RALYL: variants seen among roughly 807,000 people sequenced by gnomAD.
RALYL encodes RALY RNA binding protein like, also known as RNA-binding Raly-like protein.
In RALYL, 29 loss-of-function variants were observed where a neutral mutation model predicts 35.1. That is an observed-to-expected ratio of 0.83 (90% CI 0.61 to 1.13). RALYL has a LOEUF of 1.13. RALYL is among the 50% of genes most tolerant of loss of function. The pLI is 0.00. For synonymous variants in RALYL, 120 were observed against 127.6 expected (o/e 0.94, Z 0.40); for missense variants, 359 against 360.4 (o/e 1.00, Z 0.03).
At chr8:84,332,322 A>T (rs1246225235) in intron 1 of RALYL, among the ~76,000 whole-genome samples, 3 of 152,122 alleles carry the variant, frequency 2.0e-5, no homozygotes, top group Non-Finnish European at 4.4e-5. Flanking sequence ...ATCAGCAGAA[A>T]AAAGAAAGTA....
chr8:84,469,338 T>A (rs1190175324), intron 1 of RALYL, among the ~76,000 whole-genome samples: 1 of 152,150 alleles, frequency 6.6e-6, no homozygotes, highest in Non-Finnish European at 1.5e-5. Context: ...ATGTCCTTTC[T>A]GTTTGTTAGT....
chr8:84,403,634 T>C (rs890861708), intron 1 of RALYL, among the ~76,000 whole-genome samples: 1 of 151,326 alleles, frequency 6.6e-6, no homozygotes, highest in East Asian at 1.9e-4. Context: ...CCAGCTTTGT[T>C]CTTTTTGCTT....
intron 2 of RALYL, among the ~76,000 whole-genome samples, chr8:84,531,585 G>C (rs2059279734): frequency 1.3e-5 from 2 of 151,932 alleles, no homozygotes; most frequent in Non-Finnish European, 2.9e-5. Context: ...TCCTTTTTAA[G>C]TTGAAAGTCT....
At chr8:84,500,942 T>C (rs1177397445) in intron 1 of RALYL, among the ~76,000 whole-genome samples, 1 of 152,186 alleles carries the variant, frequency 6.6e-6, no homozygotes, top group Non-Finnish European at 1.5e-5. Context: ...TTATTTGGAA[T>C]GACAAGATGA....
At chr8:84,833,710 A>C (rs1220516961) in intron 4 of RALYL, among the ~76,000 whole-genome samples, 1 of 151,950 alleles carries the variant, frequency 6.6e-6, no homozygotes, top group Non-Finnish European at 1.5e-5. Context: ...TGCAATTGAC[A>C]AAAACACTCA....
At chr8:84,375,458 G>C (rs1052041850) in intron 1 of RALYL, among the ~76,000 whole-genome samples, 1 of 151,726 alleles carries the variant, frequency 6.6e-6, no homozygotes, top group Non-Finnish European at 1.5e-5. Flanking sequence ...AATACATCTT[G>C]AATGAAAGAA....
chr8:84,252,728 C>T (rs986836747), intron 1 of RALYL, among the ~76,000 whole-genome samples: 5 of 151,954 alleles, frequency 3.3e-5, no homozygotes, highest in African/African-American at 9.7e-5. Context: ...TTTTCATTAT[C>T]CTCAAAGAAC....
At chr8:84,800,702 C>G (rs750338589) in intron 3 of RALYL, among the ~76,000 whole-genome samples, 3 of 152,156 alleles carry the variant, frequency 2.0e-5, no homozygotes, top group Non-Finnish European at 4.4e-5. Context: ...TAGAAAAGTT[C>G]TCTCTAGGCA....
At chr8:84,647,758 G>T (rs566346034) in intron 2 of RALYL, among the ~76,000 whole-genome samples, 7 of 152,040 alleles carry the variant, frequency 4.6e-5, no homozygotes, top group African/African-American at 7.2e-5. Context: ...GACACAGTAT[G>T]TTATGGTGAT....
intron 2 of RALYL, among the ~76,000 whole-genome samples, chr8:84,608,226 C>T (rs1817573302): frequency 6.6e-6 from 1 of 152,168 alleles, no homozygotes; most frequent in East Asian, 1.9e-4. Context: ...TGAAGGAATC[C>T]CTTGGCCCTC....
At chr8:84,343,398 T>C (rs1849230140) in intron 1 of RALYL, among the ~76,000 whole-genome samples, 1 of 152,096 alleles carries the variant, frequency 6.6e-6, no homozygotes, top group Non-Finnish European at 1.5e-5. Flanking sequence ...CATTGATACC[T>C]TTCTACATAG....
At chr8:84,794,438 A>T (rs1205920298) in intron 3 of RALYL, among the ~76,000 whole-genome samples, 1 of 152,216 alleles carries the variant, frequency 6.6e-6, no homozygotes, top group Non-Finnish European at 1.5e-5. Context: ...CAACTAAGAC[A>T]ATTGAAAGAG....
chr8:84,367,444 C>T (rs1854703697), intron 1 of RALYL, among the ~76,000 whole-genome samples: 1 of 140,244 alleles, frequency 7.1e-6, no homozygotes. Flanking sequence ...CCTGCCTTAG[C>T]CTCCCAAAGT....
At chr8:84,620,783 C>T (rs1197950963) in intron 2 of RALYL, among the ~76,000 whole-genome samples, 4 of 151,922 alleles carry the variant, frequency 2.6e-5, no homozygotes, top group African/African-American at 7.3e-5. Context: ...GTGTGGATGT[C>T]CTTTCTGTTT....
At chr8:84,243,148 C>T (rs1385916953) in intron 1 of RALYL, among the ~76,000 whole-genome samples, 2 of 152,118 alleles carry the variant, frequency 1.3e-5, no homozygotes, top group African/African-American at 2.4e-5. Flanking sequence ...AGTCTTATTT[C>T]TGAGTTATCT....
chr8:84,636,118 T>G (rs1825007122), intron 2 of RALYL, among the ~76,000 whole-genome samples: 1 of 151,812 alleles, frequency 6.6e-6, no homozygotes, highest in African/African-American at 2.4e-5. Context: ...CTTTAGAGGC[T>G]CTGCTCCTTT....
At chr8:84,640,632 A>G (rs1443842307) in intron 2 of RALYL, among the ~76,000 whole-genome samples, 2 of 151,976 alleles carry the variant, frequency 1.3e-5, no homozygotes, top group Admixed American at 6.6e-5. Context: ...ATGTTTTCAC[A>G]TCAGGCCACA....
At chr8:84,917,901 T>C (rs1304863306) in intron 8 of RALYL, among the ~76,000 whole-genome samples, 2 of 152,056 alleles carry the variant, frequency 1.3e-5, no homozygotes, top group African/African-American at 4.8e-5. Flanking sequence ...AAAATTTGAA[T>C]TGAATTGTAT....
At chr8:84,864,874 CCATGATGTACTTGAG>C in intron 6 of RALYL, 4 of 474,080 alleles carry the variant, frequency 8.4e-6, no homozygotes, top group Non-Finnish European at 1.6e-5. Context: ...GGGCAGCCAG[CCATGATGTACTTGAG>C]CATGATGCCA....
Sources: allele counts gnomAD v4.1 joint callset (sites outside exome capture counted in the v4.1 genomes callset), GRCh38; gene constraint gnomAD v4.1.1; transcripts MANE v1.5; gene names NCBI Gene and HGNC (gene_info 2026-07-23, HGNC 2026-07-21).